ARHGEF4: variants seen among roughly 807,000 people sequenced by gnomAD.
The protein encoded by ARHGEF4 is APC-stimulated guanine nucleotide exchange factor 1.
In ARHGEF4, 119 loss-of-function variants were observed where a neutral mutation model predicts 162.0. That is an observed-to-expected ratio of 0.73 (90% CI 0.63 to 0.86). ARHGEF4 has a LOEUF of 0.86. Among genes scored for constraint, ARHGEF4 ranks in the 40% least tolerant of loss-of-function variants. The pLI, the probability that ARHGEF4 is intolerant of heterozygous loss-of-function variation, is 0.00. For missense variants in ARHGEF4, 2,488 were observed against 2,456.0 expected (o/e 1.01, Z -0.28); for synonymous variants, 1,014 against 979.9 (o/e 1.03, Z -0.65).
chr2:130,931,188 G>A lies in ARHGEF4; in HGVS notation c.3789G>A (p.Lys1263=). ...TGTGGCTGGAGAAGACACAGAGAAA[G>A]AAGTTGCAGAAGCAGGCCCACGTCG... ...DDLWLEKTQR[K]KLQKQAHVER... Residue 1263 remains lysine (K), a synonymous_variant, in exon 3 of 14, where the codon AAG becomes AAA. Transcript: ENST00000409359. 1.2e-6 allele frequency: 2 copies of A among 1,614,098 alleles called. No homozygotes were observed. Among genetic ancestry groups the A allele is most frequent in the Non-Finnish European group, 8.5e-7 (1 of 1,179,970 alleles).
At position 130,916,311 on chromosome 2, in the gene ARHGEF4, G is replaced by T. The variant is rs969307990; in HGVS notation, c.2365G>T (p.Gly789Trp). The T allele has an allele frequency of 7.1e-6, 11 of 1,542,458 alleles. No homozygotes were observed. The Admixed American group carries it at 2.0e-4, about 28-fold the overall frequency. ...GCTCCGCAAGGGCGCGCAGGAGCCT[G>T]GGAAGCGCCCGACGTTTTCCAAGGT... ...RGLRKGAQEP[G>W]KRPTFSKVTS... The change falls in exon 2 of 14, where the codon GGG (glycine) becomes TGG (tryptophan). Residue 789 changes from glycine (G) to tryptophan (W), a missense_variant. Transcript: ENST00000409359.
At chr2:130,926,456 A>G (rs1682293781) in intron 2 of ARHGEF4, among the ~76,000 whole-genome samples, 1 of 152,026 alleles carries the variant, frequency 6.6e-6, no homozygotes, top group African/African-American at 2.4e-5. Context: ...GTTATGATTA[A>G]TGAGTTTCTA....
At chr2:130,932,498 C>T (rs1682695571) in intron 3 of ARHGEF4, among the ~76,000 whole-genome samples, 1 of 152,164 alleles carries the variant, frequency 6.6e-6, no homozygotes, top group African/African-American at 2.4e-5. Flanking sequence ...CATGAGCCAC[C>T]GCGCCTGGCC....
intron 4 of ARHGEF4, among the ~76,000 whole-genome samples, chr2:131,015,820 T>C (rs1310280657): frequency 1.3e-5 from 2 of 152,190 alleles, no homozygotes; most frequent in African/African-American, 4.8e-5. Flanking sequence ...AAACTTCACC[T>C]CTCTGGGCCC....
At chr2:131,003,878 A>C (rs1394601120) in intron 4 of ARHGEF4, among the ~76,000 whole-genome samples, 4 of 152,220 alleles carry the variant, frequency 2.6e-5, no homozygotes, top group African/African-American at 7.2e-5. Flanking sequence ...AACTAGGGTA[A>C]CTGGGTAATA....
In ARHGEF4 at chr2:130,916,068, G is replaced by C; in HGVS notation, c.2122G>C (p.Ala708Pro). ...GAGDGALQRVAQAAELGRVLV... is the reference protein window; with the variant it reads ...GAGDGALQRVPQAAELGRVLV... ...TGGCGATGGGGCTCTTCAGCGGGTGGCCCAGGCCGCAGAGCTTGGGAGAGT... is the reference window on the plus strand; with the variant it reads ...TGGCGATGGGGCTCTTCAGCGGGTGCCCCAGGCCGCAGAGCTTGGGAGAGT... Residue 708 changes from alanine to proline, a missense_variant, in exon 2 of 14, where the codon GCC becomes CCC. By Grantham distance (27) the Ala-to-Pro change is conservative (BLOSUM62 -1). Transcript: ENST00000409359. 1 of 1,550,244 alleles carries C rather than the reference G, an allele frequency of 6.5e-7. No homozygotes were observed.
At chr2:130,960,457 GC>G (rs1051990218) in intron 4 of ARHGEF4, among the ~76,000 whole-genome samples, 7 of 152,072 alleles carry the variant, frequency 4.6e-5, no homozygotes, top group Admixed American at 4.6e-4. Flanking sequence ...CTACCATATA[GC>G]CTAGGTGTGC....
chr2:130,903,700 C>A (rs11894824), intron 1 of ARHGEF4, among the ~76,000 whole-genome samples: 1 of 152,164 alleles, frequency 6.6e-6, no homozygotes, highest in Non-Finnish European at 1.5e-5. Context: ...CTCCTCTCCC[C>A]CAAATGTTTA....
intron 4 of ARHGEF4, among the ~76,000 whole-genome samples, chr2:130,980,103 C>A (rs773606246): frequency 6.6e-6 from 1 of 152,074 alleles, no homozygotes. Flanking sequence ...ACATAAAAAA[C>A]GTTGTAAGTC....
intron 4 of ARHGEF4, 149 bp downstream of exon 4, chr2:130,946,784 G>A: frequency 8.9e-6 from 10 of 1,117,778 alleles, no homozygotes; most frequent in South Asian, 3.0e-5. Flanking sequence ...CCTTCAGTTA[G>A]GGAGGAGTGC....
chr2:131,003,130 G>C (rs150461933), intron 4 of ARHGEF4, among the ~76,000 whole-genome samples: 1 of 152,228 alleles, frequency 6.6e-6, no homozygotes, highest in East Asian at 1.9e-4. Flanking sequence ...CTTGACGATG[G>C]GGCATTCGCT....
intron 1 of ARHGEF4, among the ~76,000 whole-genome samples, chr2:130,875,190 TC>T (rs2104942985): frequency 6.6e-6 from 1 of 152,304 alleles, no homozygotes; most frequent in Non-Finnish European, 1.5e-5. Flanking sequence ...TTAGGGCTTT[TC>T]CATCAGCCTT....
At chr2:130,906,492 A>G (rs778496519) in intron 1 of ARHGEF4, among the ~76,000 whole-genome samples, 47 of 152,142 alleles carry the variant, frequency 3.1e-4, no homozygotes, top group Non-Finnish European at 6.2e-4. Context: ...TCCAACTCCA[A>G]CCCAGCACCA....
chr2:130,967,317 C>G (rs1280652701), intron 4 of ARHGEF4, among the ~76,000 whole-genome samples: 1 of 152,190 alleles, frequency 6.6e-6, no homozygotes, highest in African/African-American at 2.4e-5. Flanking sequence ...TTCCATGGCC[C>G]TTCTTTCTGC....
chr2:130,940,313 A>G (rs1470157413), intron 3 of ARHGEF4, among the ~76,000 whole-genome samples: 1 of 152,122 alleles, frequency 6.6e-6, no homozygotes, highest in Non-Finnish European at 1.5e-5. Flanking sequence ...CACTTTCCTA[A>G]GAATGGATAA....
intron 4 of ARHGEF4, among the ~76,000 whole-genome samples, chr2:131,009,545 AT>A (rs1290717146): frequency 6.6e-6 from 1 of 151,724 alleles, no homozygotes; most frequent in Admixed American, 6.6e-5. Context: ...ATTTTCCAAC[AT>A]TTTTTTCTCT....
At chr2:130,993,549 A>C (rs1343570899) in intron 4 of ARHGEF4, among the ~76,000 whole-genome samples, 1 of 152,080 alleles carries the variant, frequency 6.6e-6, no homozygotes, top group Non-Finnish European at 1.5e-5. Flanking sequence ...ATCTTTCAGT[A>C]GGATTTTTAT....
intron 4 of ARHGEF4, among the ~76,000 whole-genome samples, chr2:131,009,980 T>G (rs781495382): frequency 6.6e-6 from 1 of 151,992 alleles, no homozygotes; most frequent in Non-Finnish European, 1.5e-5. Context: ...GTTTTGTTTT[T>G]TCCGACCTTT....
rs571815866 is a variant in ARHGEF4 at position 131,028,095 on chromosome 2, G to A, written c.4125+11G>A. ...CTGGCTATCAATGAGGTAGGGTCAG[G>A]GCTGCACGGGCAGAGGGAGGGACAG... On this transcript the variant is annotated intron_variant, in intron 5 of 13. Transcript: ENST00000409359. 2.0e-5 allele frequency: 32 copies of A among 1,613,330 alleles called. No individual in the cohort carries two copies. The South Asian group carries it at 2.7e-4, about 14-fold the overall frequency.
Sources: allele counts gnomAD v4.1 joint callset (sites outside exome capture counted in the v4.1 genomes callset), GRCh38; gene constraint gnomAD v4.1.1; transcripts MANE v1.5; gene names NCBI Gene and HGNC (gene_info 2026-07-23, HGNC 2026-07-21).